The following TNRC6B variants were observed in gnomAD, a reference collection of about 807,000 sequenced individuals.
TNRC6B encodes trinucleotide repeat-containing gene 6B protein.
Under a neutral mutation model 203.6 loss-of-function variants are expected in TNRC6B, and 52 were observed. The observed-to-expected ratio is 0.26, with a 90% CI of 0.20 to 0.32. The LOEUF (loss-of-function observed/expected upper bound fraction) is 0.32. TNRC6B is among the 10% of genes least tolerant of loss of function. The probability of loss-of-function intolerance (pLI) is 1.00; values close to 1 mark genes in which losing one functional copy is unlikely to be tolerated. For missense variants in TNRC6B, 1,923 were observed against 2,286.2 expected (o/e 0.84, Z 3.24); for synonymous variants, 838 against 845.7 (o/e 0.99, Z 0.16).
At chr22:40,054,577 T>C (rs1601787065) in intron 1 of TNRC6B, among the ~76,000 whole-genome samples, 1 of 152,290 alleles carries the variant, frequency 6.6e-6, no homozygotes, top group Admixed American at 6.5e-5. Context: ...ATTTAATTTG[T>C]ATATTATATT....
At chr22:40,197,237 TAGG>T (rs1482656928) in intron 1 of TNRC6B, among the ~76,000 whole-genome samples, 1 of 152,078 alleles carries the variant, frequency 6.6e-6, no homozygotes, top group East Asian at 1.9e-4. Context: ...GTGTGCAGAA[TAGG>T]AGGTCTTTGG....
intron 11 of TNRC6B, among the ~76,000 whole-genome samples, chr22:40,281,721 T>C (rs1320159464): frequency 6.6e-6 from 1 of 152,212 alleles, no homozygotes; most frequent in Non-Finnish European, 1.5e-5. Context: ...TATTTGTGGG[T>C]TATGGCATCT....
At chr22:40,205,150 C>G (rs1429449121) in intron 1 of TNRC6B, among the ~76,000 whole-genome samples, 1 of 152,240 alleles carries the variant, frequency 6.6e-6, no homozygotes, top group Non-Finnish European at 1.5e-5. Context: ...CTGGAGTGTG[C>G]TGAGTTCCCA....
chr22:40,204,840 C>T (rs747596319), intron 1 of TNRC6B, among the ~76,000 whole-genome samples: 3 of 152,066 alleles, frequency 2.0e-5, no homozygotes, highest in Admixed American at 6.6e-5. Context: ...ATAGTGATAC[C>T]AACAGTTCAC....
chr22:40,074,249 A>C (rs1361615550), intron 1 of TNRC6B, among the ~76,000 whole-genome samples: 1 of 145,652 alleles, frequency 6.9e-6, no homozygotes, highest in African/African-American at 2.8e-5. Context: ...AAAAAAAAAA[A>C]AAAGAAAAGA....
In TNRC6B at chr22:40,177,944, G is replaced by C. The variant is rs970359623; in HGVS notation, c.-192G>C. On this transcript the variant is annotated 5_prime_UTR_variant, in exon 1 of 23. Coordinates refer to ENST00000454349, the MANE Select transcript of TNRC6B (RefSeq NM_001162501.2). The stretch of plus-strand genomic sequence containing the variant: ...TCCTTTAGAGACAGAGAGGGAGAGA[G>C]AGAGCAAGAGGGAGAGTGTGTGAGA... 11 of 1,386,084 alleles carry C rather than the reference G, an allele frequency of 7.9e-6. No individual in the cohort carries two copies. Among genetic ancestry groups the C allele is most frequent in the Non-Finnish European group, 1.0e-5 (11 of 1,074,098 alleles). 85.9% of individuals were successfully genotyped at this position (1,386,084 alleles called of 1,614,324 possible).
At chr22:40,148,642 T>C (rs1318787522) in intron 3 of TNRC6B, among the ~76,000 whole-genome samples, 1 of 68,474 alleles carries the variant, frequency 1.5e-5, no homozygotes, top group Admixed American at 1.0e-4. Flanking sequence ...ACTGTTCTAC[T>C]CTGTTATGAG....
intron 3 of TNRC6B, among the ~76,000 whole-genome samples, chr22:40,151,478 T>G (rs1252022383): frequency 2.1e-5 from 3 of 145,962 alleles, no homozygotes; most frequent in Non-Finnish European, 4.4e-5. Context: ...AAGCAGAGGT[T>G]GCAATGAGCT....
chr22:40,232,634 C>T (rs2069888493), intron 1 of TNRC6B, among the ~76,000 whole-genome samples: 1 of 152,174 alleles, frequency 6.6e-6, no homozygotes, highest in African/African-American at 2.4e-5. Context: ...CCATTCTAAC[C>T]CTGAAATTTT....
intron 2 of TNRC6B, among the ~76,000 whole-genome samples, chr22:40,123,397 A>G (rs1488615105): frequency 1.3e-5 from 2 of 152,232 alleles, no homozygotes; most frequent in Admixed American, 6.5e-5. Context: ...GAATCCAGAA[A>G]GGATGAAAGT....
intron 1 of TNRC6B, among the ~76,000 whole-genome samples, chr22:40,204,547 T>TA (rs1344074949): frequency 1.3e-5 from 2 of 152,242 alleles, no homozygotes; most frequent in Non-Finnish European, 2.9e-5. Context: ...CTAGCGAGCG[T>TA]AAATTTTATG....
At chr22:40,178,580 C>T (rs982824888) in intron 1 of TNRC6B, among the ~76,000 whole-genome samples, 7 of 152,162 alleles carry the variant, frequency 4.6e-5, no homozygotes, top group Non-Finnish European at 1.0e-4. Flanking sequence ...AGCCCTAGAA[C>T]GGGAAAGCCT....
chr22:40,321,191 C>A lies in TNRC6B; in HGVS notation c.5076C>A (p.Thr1692=). Residue 1692 remains threonine (T), a synonymous_variant, in exon 22 of 23, where the codon ACC becomes ACA. Transcript: ENST00000454349. ...GCACTGCCCTGATCCGATACAGCAC[C>A]AAACAGGAGGCGGCCAAGGCCCAAA... is the stretch of plus-strand genomic sequence containing the variant. ...TQGTALIRYS[T]KQEAAKAQTA... 1 of 1,613,986 alleles carries A rather than the reference C, an allele frequency of 6.2e-7. No homozygotes were observed. The highest frequency in any genetic ancestry group is 1.3e-5 in the African/African-American group (1 of 75,048).
At chr22:40,046,801 C>T (rs777250723) in intron 1 of TNRC6B, among the ~76,000 whole-genome samples, 3 of 151,956 alleles carry the variant, frequency 2.0e-5, no homozygotes, top group Admixed American at 6.6e-5. Flanking sequence ...CCCGCCACCA[C>T]GCCCGGCTAA....
intron 1 of TNRC6B, among the ~76,000 whole-genome samples, chr22:40,224,532 T>G (rs1444313445): frequency 6.6e-6 from 1 of 152,180 alleles, no homozygotes; most frequent in Non-Finnish European, 1.5e-5. Flanking sequence ...AACAATGACC[T>G]TGGTGGATTC....
intron 3 of TNRC6B, among the ~76,000 whole-genome samples, chr22:40,260,375 A>G (rs1008468305): frequency 6.6e-6 from 1 of 152,124 alleles, no homozygotes; most frequent in Admixed American, 6.5e-5. Context: ...TGCCCTAAGG[A>G]AGAAAGAAAA....
At chr22:40,153,549 G>GAA (rs35636391) in intron 3 of TNRC6B, among the ~76,000 whole-genome samples, 1,918 of 145,446 alleles carry the variant, frequency 0.013, 33 homozygotes, top group African/African-American at 0.041. Context: ...TACTAAGCTA[G>GAA]AAAAAAAAAA....
intron 2 of TNRC6B, among the ~76,000 whole-genome samples, chr22:40,249,242 C>G (rs1244576779): frequency 6.6e-6 from 1 of 152,200 alleles, no homozygotes; most frequent in South Asian, 2.1e-4. Flanking sequence ...AGGGCAGTGC[C>G]TGGTGCAGGA....
chr22:40,266,269 G>A lies in TNRC6B; in HGVS notation c.2039G>A (p.Trp680Ter), dbSNP rs750268759. ...CAAAGCAATCAAATGAAGTCTGGAT[G>A]GGGGGAGCTCTCAGCCTCTACAGAG... The part of the protein sequence containing the change: ...PSQSNQMKSG[W>*]GELSASTEWK... The change falls in exon 5 of 23, where the codon TGG becomes TAG. Residue 680 changes from tryptophan (W) to a stop codon, truncating the protein, a stop_gained. Coordinates refer to ENST00000454349, the MANE Select transcript of TNRC6B (RefSeq NM_001162501.2). LOFTEE classifies it high-confidence loss of function. The A allele has an allele frequency of 6.3e-7, 1 of 1,593,510 alleles. No individual in the cohort carries two copies. The highest frequency in any genetic ancestry group is 8.5e-7 in the Non-Finnish European group (1 of 1,169,624).
Sources: gnomAD v4.1 joint callset for allele counts (sites outside exome capture counted in the v4.1 genomes callset) on GRCh38, gnomAD v4.1.1 for gene constraint, MANE v1.5 for transcripts, NCBI Gene and HGNC (gene_info 2026-07-23, HGNC 2026-07-21) for gene names.